Variants in TSC22D1 observed in about 807,000 individuals in gnomAD.
The protein encoded by TSC22D1 is TSC22 domain family protein 1.
In TSC22D1, 9 loss-of-function variants were observed where a neutral mutation model predicts 74.2. That is an observed-to-expected ratio of 0.12 (90% CI 0.07 to 0.21). TSC22D1 has a LOEUF of 0.21. Among genes scored for constraint, TSC22D1 ranks in the 10% least tolerant of loss-of-function variants. The pLI is 1.00. For synonymous variants in TSC22D1, 586 were observed against 492.5 expected, an observed-to-expected ratio of 1.19 and a Z score of -2.51; for missense variants, 1,427 against 1,304.7, an observed-to-expected ratio of 1.09 and a Z score of -1.44.
intron 1 of TSC22D1, among the ~76,000 whole-genome samples, chr13:44,566,319 T>C (rs1883370751): frequency 6.6e-6 from 1 of 152,168 alleles, no homozygotes; most frequent in Non-Finnish European, 1.5e-5. Context: ...ACTTGCCCTC[T>C]CTAAATACTC....
At chr13:44,553,472 AAAAC>A (rs962654940) in intron 1 of TSC22D1, among the ~76,000 whole-genome samples, 3 of 152,204 alleles carry the variant, frequency 2.0e-5, no homozygotes, top group African/African-American at 7.2e-5. Context: ...AATCTTACTT[AAAAC>A]AAACAGCTTA....
chr13:44,535,163 C>T (rs1881071087), intron 1 of TSC22D1, among the ~76,000 whole-genome samples: 2 of 152,208 alleles, frequency 1.3e-5, no homozygotes, highest in South Asian at 4.1e-4. Context: ...CCAAGGATAC[C>T]TGTTGTAGTT....
intron 1 of TSC22D1, among the ~76,000 whole-genome samples, chr13:44,466,613 A>G (rs894001082): frequency 2.6e-5 from 4 of 151,874 alleles, no homozygotes; most frequent in African/African-American, 9.7e-5. Flanking sequence ...TACTAAAAAT[A>G]CAAAAAATCA....
chr13:44,448,827 A>C (rs373262378), intron 1 of TSC22D1, among the ~76,000 whole-genome samples: 9 of 152,130 alleles, frequency 5.9e-5, no homozygotes, highest in African/African-American at 1.4e-4. Flanking sequence ...TGTTGGATGG[A>C]GCATAGAACC....
chr13:44,504,463 A>T (rs1277134758), intron 1 of TSC22D1, among the ~76,000 whole-genome samples: 1 of 151,994 alleles, frequency 6.6e-6, no homozygotes, highest in South Asian at 2.1e-4. Flanking sequence ...AATTAGGTGG[A>T]CGTGGTGGCT....
At chr13:44,490,129 A>T (rs1163199717) in intron 1 of TSC22D1, among the ~76,000 whole-genome samples, 1 of 152,250 alleles carries the variant, frequency 6.6e-6, no homozygotes, top group East Asian at 1.9e-4. Flanking sequence ...GCATACTTGT[A>T]CAAATAGTAT....
chr13:44,574,613 C>T lies in TSC22D1; in HGVS notation c.1462G>A (p.Glu488Lys). Residue 488 changes from glutamate (E) to lysine (K), a missense_variant, in exon 1 of 3, where the codon GAG (glutamate) becomes AAG (lysine). Glu to Lys is a moderately conservative substitution (Grantham distance 56, BLOSUM62 1). Coordinates refer to ENST00000458659, the MANE Select transcript of TSC22D1 (RefSeq NM_183422.4). ...ACCACCACAGTAGGGGCTCCCATCT[C>T]TCCACTTCCCACACTCTCTGTATAG... ...SHYTESVGSG[E>K]MGAPTVVVQQ... is the part of the protein sequence containing the mutation. 3 of 1,614,092 alleles carry T rather than the reference C, an allele frequency of 1.9e-6. No homozygotes were observed. The highest frequency in any genetic ancestry group is 2.5e-6 in the Non-Finnish European group (3 of 1,180,020).
chr13:44,495,872 A>G (rs909538158), intron 1 of TSC22D1, among the ~76,000 whole-genome samples: 1 of 152,246 alleles, frequency 6.6e-6, no homozygotes, highest in Non-Finnish European at 1.5e-5. Flanking sequence ...TAAATGTAAC[A>G]GTTAAAACTA....
At chr13:44,488,164 G>A (rs1444871659) in intron 1 of TSC22D1, among the ~76,000 whole-genome samples, 1 of 152,144 alleles carries the variant, frequency 6.6e-6, no homozygotes, top group Non-Finnish European at 1.5e-5. Flanking sequence ...GTTTCAAAAT[G>A]AGTAACAAGT....
chr13:44,573,601 G>A lies in TSC22D1; in HGVS notation c.2474C>T (p.Pro825Leu), dbSNP rs763218734. 6 of 1,614,220 alleles carry A rather than the reference G, an allele frequency of 3.7e-6. No homozygotes were observed. Among genetic ancestry groups the A allele is most frequent in the Admixed American group, 3.3e-5 (2 of 60,016 alleles). Residue 825 changes from proline to leucine, a missense_variant, in exon 1 of 3, where the codon CCC becomes CTC. By Grantham distance (98) the Pro-to-Leu change is moderately conservative. This residue lies in a region of TSC22D1 where 1,343 missense variants were observed against 1,191.5 expected (regional missense o/e 1.13). Coordinates refer to ENST00000458659, the MANE Select transcript of TSC22D1 (RefSeq NM_183422.4). ...SQQLPAVSSL[P>L]SASSISVTSQ... Reference sequence around the variant, plus strand: ...TGTAACAGAAATACTACTAGCAGAGGGCAAAGAACTAACTGCAGGCAACTG... The same window carrying A: ...TGTAACAGAAATACTACTAGCAGAGAGCAAAGAACTAACTGCAGGCAACTG...
At position 44,573,709 on chromosome 13, in the gene TSC22D1, A is replaced by G; in HGVS notation, c.2366T>C (p.Val789Ala). 1 of 1,614,218 alleles carries G rather than the reference A, an allele frequency of 6.2e-7. No individual in the cohort carries two copies. Among genetic ancestry groups the G allele is most frequent in the Non-Finnish European group, 8.5e-7 (1 of 1,180,038 alleles). Residue 789 changes from valine (V) to alanine (A), a missense_variant, in exon 1 of 3, where the codon GTT (valine) becomes GCT (alanine). Physicochemically the swap from Val to Ala is moderately conservative, Grantham distance 64. Coordinates refer to ENST00000458659, the MANE Select transcript of TSC22D1 (RefSeq NM_183422.4). ...TSAPSLPQQL[V>A]IASQSSLLTV... is the part of the protein sequence containing the mutation. Reference sequence around the variant, plus strand: ...TAACAAGGAACTTTGGGATGCAATAACCAATTGTTGAGGAAGGCTTGGAGC... The same window carrying G: ...TAACAAGGAACTTTGGGATGCAATAGCCAATTGTTGAGGAAGGCTTGGAGC...
chr13:44,455,110 G>A (rs1278507411), intron 1 of TSC22D1, among the ~76,000 whole-genome samples: 1 of 152,042 alleles, frequency 6.6e-6, no homozygotes, highest in Non-Finnish European at 1.5e-5. Flanking sequence ...TGTGAGATAA[G>A]GACAAGTACC....
At chr13:44,483,648 A>G (rs927086069) in intron 1 of TSC22D1, among the ~76,000 whole-genome samples, 2 of 151,460 alleles carry the variant, frequency 1.3e-5, no homozygotes, top group Admixed American at 1.3e-4. Context: ...AGCCTGGGCG[A>G]CAGAGCGAGA....
chr13:44,555,578 C>T (rs186918359), intron 1 of TSC22D1, among the ~76,000 whole-genome samples: 3 of 152,174 alleles, frequency 2.0e-5, no homozygotes, highest in African/African-American at 7.2e-5. Context: ...TGCACTCCAA[C>T]TTGGGCGACA....
intron 1 of TSC22D1, among the ~76,000 whole-genome samples, chr13:44,562,172 T>G (rs1883086439): frequency 6.6e-6 from 1 of 152,142 alleles, no homozygotes; most frequent in Non-Finnish European, 1.5e-5. Context: ...CCCAGGGAGC[T>G]GGGACAACAG....
At chr13:44,561,991 A>C (rs1048131222) in intron 1 of TSC22D1, among the ~76,000 whole-genome samples, 2 of 152,180 alleles carry the variant, frequency 1.3e-5, no homozygotes, top group Non-Finnish European at 2.9e-5. Context: ...CAGATACCTA[A>C]GAGATTTTAT....
chr13:44,527,438 A>G (rs773323064), intron 1 of TSC22D1, among the ~76,000 whole-genome samples: 1 of 152,176 alleles, frequency 6.6e-6, no homozygotes, highest in Non-Finnish European at 1.5e-5. Flanking sequence ...AGCACTGCCC[A>G]TAAAACAGTT....
At chr13:44,469,932 T>C (rs1877505435) in intron 1 of TSC22D1, among the ~76,000 whole-genome samples, 1 of 152,106 alleles carries the variant, frequency 6.6e-6, no homozygotes, top group Non-Finnish European at 1.5e-5. Flanking sequence ...CCATTACCCC[T>C]TGAGGACTGA....
intron 1 of TSC22D1, chr13:44,437,453 T>C: frequency 6.0e-6 from 1 of 167,776 alleles, no homozygotes; most frequent in Non-Finnish European, 1.2e-5. Context: ...CTTTGAGAGA[T>C]ACTACCTTTT....
Sources: allele counts gnomAD v4.1 joint callset (sites outside exome capture counted in the v4.1 genomes callset), GRCh38; gene constraint gnomAD v4.1.1; regional missense constraint gnomAD v4.1.1; transcripts MANE v1.5; gene names NCBI Gene and HGNC (gene_info 2026-07-23, HGNC 2026-07-21).